The following NALF1 variants were observed in gnomAD, a reference collection of about 807,000 sequenced individuals.
The protein encoded by NALF1 is family with sequence similarity 155 member A.
A neutral mutation model predicts 48.4 loss-of-function variants in NALF1; 3 were observed. The ratio of observed to expected loss-of-function variants is 0.06; its 90% confidence interval spans 0.03 to 0.16. The LOEUF is 0.16. NALF1 is among the 10% of genes least tolerant of loss of function. The pLI, the probability that NALF1 is intolerant of heterozygous loss-of-function variation, is 1.00. For missense variants in NALF1, 526 were observed against 571.5 expected (o/e 0.92, Z 0.81); for synonymous variants, 262 against 245.7 (o/e 1.07, Z -0.62).
intron 1 of NALF1, among the ~76,000 whole-genome samples, chr13:107,499,338 A>T (rs1176645056): frequency 6.6e-6 from 1 of 152,134 alleles, no homozygotes; most frequent in Non-Finnish European, 1.5e-5. Context: ...TTATATATAC[A>T]ATAAAGTTTT....
At chr13:107,792,709 T>TAC (rs1566483676) in intron 1 of NALF1, among the ~76,000 whole-genome samples, 1 of 152,206 alleles carries the variant, frequency 6.6e-6, no homozygotes. Flanking sequence ...GTGAAACACT[T>TAC]ATGTAACAGT....
intron 1 of NALF1, among the ~76,000 whole-genome samples, chr13:107,228,305 A>G (rs535236972): frequency 7.9e-5 from 12 of 152,196 alleles, no homozygotes; most frequent in Non-Finnish European, 1.8e-4. Context: ...GCCATGAAAC[A>G]TCTTTTGAAT....
At chr13:107,467,027 G>C (rs1230810180) in intron 1 of NALF1, among the ~76,000 whole-genome samples, 1 of 152,082 alleles carries the variant, frequency 6.6e-6, no homozygotes, top group Non-Finnish European at 1.5e-5. Context: ...TGACAATGAT[G>C]CATAGTAATT....
At chr13:107,513,562 G>A (rs1203865644) in intron 1 of NALF1, among the ~76,000 whole-genome samples, 2 of 151,808 alleles carry the variant, frequency 1.3e-5, no homozygotes, top group Non-Finnish European at 2.9e-5. Context: ...GGAAGGAAGT[G>A]TCTTTGAAGG....
chr13:107,748,766 G>A (rs927431978), intron 1 of NALF1, among the ~76,000 whole-genome samples: 2 of 152,158 alleles, frequency 1.3e-5, no homozygotes, highest in African/African-American at 4.8e-5. Flanking sequence ...CTGGGATAGG[G>A]ATTTCACACA....
intron 1 of NALF1, among the ~76,000 whole-genome samples, chr13:107,294,033 G>T (rs1488282048): frequency 6.6e-6 from 1 of 152,148 alleles, no homozygotes; most frequent in East Asian, 1.9e-4. Flanking sequence ...CACTTGTTTT[G>T]CTTTCCTTAA....
chr13:107,453,126 C>G (rs1884770105), intron 1 of NALF1, among the ~76,000 whole-genome samples: 1 of 152,320 alleles, frequency 6.6e-6, no homozygotes, highest in South Asian at 2.1e-4. Context: ...ACAGTCCAAT[C>G]TGTCAGTGAA....
At chr13:107,255,275 T>G (rs1594091608) in intron 1 of NALF1, among the ~76,000 whole-genome samples, 1 of 152,164 alleles carries the variant, frequency 6.6e-6, no homozygotes, top group Admixed American at 6.5e-5. Flanking sequence ...TGGCAGAAGG[T>G]TTTTGTCTTC....
intron 1 of NALF1, among the ~76,000 whole-genome samples, chr13:107,632,533 G>A (rs80167679): frequency 1.2e-3 from 175 of 152,028 alleles, no homozygotes; most frequent in Non-Finnish European, 2.1e-3. Context: ...CAGAACTACT[G>A]ATCCTCTCTT....
rs372122331 is a variant in NALF1, at chr13:107,638,201, A to ATATATATATATG, written c.915+227480_915+227481insCATATATATATA. Among the ~76,000 whole-genome samples the ATATATATATATG allele has an allele frequency of 3.6e-3, 400 of 110,836 alleles. 11 individuals are homozygous for ATATATATATATG. The highest frequency in any genetic ancestry group is 0.011 in the African/African-American group (384 of 35,298). The allele number at this position is 110,836 out of a possible 152,430, so 72.7% of individuals were successfully genotyped here. On this transcript the variant is annotated intron_variant, in intron 1 of 2. Transcript: ENST00000375915. ...TATATAAAGATTTATATATATATAT[A>ATATATATATATG]TATATAATTTAAGATGAACATTGGG...
At chr13:107,719,532 T>C (rs1375488349) in intron 1 of NALF1, among the ~76,000 whole-genome samples, 1 of 152,136 alleles carries the variant, frequency 6.6e-6, no homozygotes, top group Admixed American at 6.5e-5. Flanking sequence ...CCTGACTTCA[T>C]CCTCAGCTCC....
chr13:107,853,479 T>G (rs140009317), intron 1 of NALF1, among the ~76,000 whole-genome samples: 94 of 152,330 alleles, frequency 6.2e-4, no homozygotes, highest in African/African-American at 2.0e-3. Flanking sequence ...CTGATAAGCA[T>G]TGTAACCACT....
intron 1 of NALF1, among the ~76,000 whole-genome samples, chr13:107,647,200 GA>G (rs1446183328): frequency 6.6e-6 from 1 of 151,864 alleles, no homozygotes; most frequent in African/African-American, 2.4e-5. Flanking sequence ...AAAACAAAAC[GA>G]AAATGGAATT....
chr13:107,798,316 T>C (rs368397495), intron 1 of NALF1, among the ~76,000 whole-genome samples: 51 of 152,342 alleles, frequency 3.3e-4, no homozygotes, highest in African/African-American at 1.2e-3. Context: ...CAGTTTAGTA[T>C]GCTAACTTCT....
At chr13:107,728,281 C>A (rs547714509) in intron 1 of NALF1, among the ~76,000 whole-genome samples, 2 of 152,222 alleles carry the variant, frequency 1.3e-5, no homozygotes, top group East Asian at 3.9e-4. Context: ...TGGAACCAAC[C>A]CAAATGTCCA....
chr13:107,372,572 A>G (rs906235078), intron 1 of NALF1, among the ~76,000 whole-genome samples: 1 of 152,248 alleles, frequency 6.6e-6, no homozygotes, highest in African/African-American at 2.4e-5. Context: ...AATTTCAACA[A>G]CAAAATAAAT....
chr13:107,713,703 G>A (rs552673881), intron 1 of NALF1, among the ~76,000 whole-genome samples: 2 of 152,270 alleles, frequency 1.3e-5, no homozygotes, highest in South Asian at 4.1e-4. Context: ...GCAAAAGAAT[G>A]ATAAAATGGA....
chr13:107,777,554 C>A (rs574223225), intron 1 of NALF1, among the ~76,000 whole-genome samples: 1 of 152,116 alleles, frequency 6.6e-6, no homozygotes, highest in Non-Finnish European at 1.5e-5. Context: ...GCACCTTCCC[C>A]GCAACTCTTT....
At chr13:107,287,398 T>C (rs1488103181) in intron 1 of NALF1, among the ~76,000 whole-genome samples, 1 of 152,176 alleles carries the variant, frequency 6.6e-6, no homozygotes, top group Non-Finnish European at 1.5e-5. Flanking sequence ...CACACACAAA[T>C]GCACATGACA....
Sources: gnomAD v4.1 joint callset for allele counts (sites outside exome capture counted in the v4.1 genomes callset) on GRCh38, gnomAD v4.1.1 for gene constraint, MANE v1.5 for transcripts, NCBI Gene and HGNC (gene_info 2026-07-23, HGNC 2026-07-21) for gene names.